Variants in WHRN observed in about 807,000 individuals in gnomAD.
The protein encoded by WHRN is CASK-interacting protein CIP98.
In WHRN, 41 loss-of-function variants were observed where a neutral mutation model predicts 68.3. The observed-to-expected ratio is 0.60, with a 90% CI of 0.47 to 0.78. WHRN has a LOEUF of 0.78. Among genes scored for constraint, WHRN ranks in the 30% least tolerant of loss-of-function variants. The probability of loss-of-function intolerance (pLI) is 0.00; values close to 1 mark genes in which losing one functional copy is unlikely to be tolerated. For missense variants in WHRN, 1,243 were observed against 1,244.7 expected, an observed-to-expected ratio of 1.00 and a Z score of 0.02; for synonymous variants, 560 against 561.3, an observed-to-expected ratio of 1.00 and a Z score of 0.03.
intron 3 of WHRN, among the ~76,000 whole-genome samples, chr9:114,465,630 C>T (rs900898618): frequency 4.6e-5 from 7 of 152,198 alleles, no homozygotes; most frequent in Non-Finnish European, 8.8e-5. Flanking sequence ...AGCAAGTTCC[C>T]GGGCTACCCT....
At chr9:114,430,367 TA>T (rs1166044843) in intron 3 of WHRN, among the ~76,000 whole-genome samples, 3 of 152,228 alleles carry the variant, frequency 2.0e-5, no homozygotes, top group African/African-American at 2.4e-5. Flanking sequence ...ATATACATAC[TA>T]AAAAACATAT....
intron 3 of WHRN, among the ~76,000 whole-genome samples, chr9:114,459,273 C>T (rs912254070): frequency 2.0e-5 from 3 of 149,106 alleles, no homozygotes; most frequent in African/African-American, 5.0e-5. Flanking sequence ...GCCTGGCCAA[C>T]ATGGTTAAAT....
intron 3 of WHRN, among the ~76,000 whole-genome samples, chr9:114,453,300 G>A (rs1429577701): frequency 6.6e-6 from 1 of 152,058 alleles, no homozygotes; most frequent in Non-Finnish European, 1.5e-5. Context: ...AATAGAGCAA[G>A]AACTCACTCA....
intron 3 of WHRN, among the ~76,000 whole-genome samples, chr9:114,465,329 TGCTTCATTCCCCTGG>T (rs1443391595): frequency 3.9e-5 from 6 of 152,198 alleles, no homozygotes; most frequent in African/African-American, 1.4e-4. Flanking sequence ...CCTCATCATG[TGCTTCATTCCCCTGG>T]CTTTGCACAC....
chr9:114,407,888 G>A, intron 8 of WHRN, 59 bp downstream of exon 8: 1 of 1,434,604 alleles, frequency 7.0e-7, no homozygotes, highest in Non-Finnish European at 9.6e-7. Flanking sequence ...AGAGGAGAGA[G>A]CCACCAGGAC....
At chr9:114,464,240 C>T (rs1840477535) in intron 3 of WHRN, among the ~76,000 whole-genome samples, 1 of 152,164 alleles carries the variant, frequency 6.6e-6, no homozygotes, top group Non-Finnish European at 1.5e-5. Context: ...ACACACGATC[C>T]ATGTAAATTA....
intron 2 of WHRN, 104 bp downstream of exon 2, chr9:114,478,449 C>A (rs1841833872): frequency 7.8e-7 from 1 of 1,278,908 alleles, no homozygotes. Flanking sequence ...AGAGCCTGGA[C>A]AGAACCAGCC....
intron 2 of WHRN, among the ~76,000 whole-genome samples, chr9:114,477,558 C>T (rs1196338935): frequency 6.6e-6 from 1 of 152,100 alleles, no homozygotes; most frequent in African/African-American, 2.4e-5. Context: ...GGGCAACCAC[C>T]CCTCTCCCAC....
intron 2 of WHRN, among the ~76,000 whole-genome samples, chr9:114,473,616 T>G (rs1265268661): frequency 6.6e-6 from 1 of 152,208 alleles, no homozygotes; most frequent in Non-Finnish European, 1.5e-5. Context: ...ATCTGAAAAC[T>G]GCAGTGAAGA....
intron 3 of WHRN, among the ~76,000 whole-genome samples, chr9:114,452,438 A>G (rs898262405): frequency 6.6e-6 from 1 of 152,254 alleles, no homozygotes; most frequent in Admixed American, 6.5e-5. Context: ...CCTGGCACAC[A>G]GTAAGTATCC....
At position 114,467,889 on chromosome 9, in the gene WHRN, C is replaced by T. The variant is rs573847239; in HGVS notation, c.838-1497G>A. 8.5e-5 allele frequency among the ~76,000 whole-genome samples: 13 copies of T among 152,280 alleles called. No individual in the cohort carries two copies. The South Asian group carries it at 1.0e-3, about 12-fold the overall frequency. On this transcript the variant is annotated intron_variant, in intron 2 of 11. Coordinates refer to ENST00000362057, the MANE Select transcript of WHRN (RefSeq NM_015404.4). ...GTGTGACTGCCCACGGGACAGGGAG[C>T]GGTGGGAGAACCTTCAGGCACCAGG... is the stretch of plus-strand genomic sequence containing the variant.
At chr9:114,413,482 G>A (rs1459623627) in intron 7 of WHRN, among the ~76,000 whole-genome samples, 1 of 152,184 alleles carries the variant, frequency 6.6e-6, no homozygotes, top group African/African-American at 2.4e-5. Context: ...TGAAGGGTCA[G>A]GGGCCAGGGA....
chr9:114,451,368 T>C (rs886814310), intron 3 of WHRN, among the ~76,000 whole-genome samples: 17 of 152,280 alleles, frequency 1.1e-4, no homozygotes, highest in African/African-American at 3.9e-4. Flanking sequence ...TCGGGTTCTT[T>C]ATCAGTGAAA....
rs529255145 is a variant in WHRN, at chr9:114,498,072, A to G, written c.618+6112T>C. 1.1e-3 allele frequency among the ~76,000 whole-genome samples: 174 copies of G among 152,322 alleles called. 1 individual carries two copies. The highest frequency in any genetic ancestry group is 4.0e-3 in the African/African-American group (166 of 41,574). ...CAGACTTCCATCAGATCTCACTCTC[A>G]GGAGCTGGGGAATTCTGAATTCACT... On this transcript the variant is annotated intron_variant, in intron 1 of 11. Coordinates refer to ENST00000362057, the MANE Select transcript of WHRN (RefSeq NM_015404.4).
intron 10 of WHRN, 127 bp downstream of exon 10, chr9:114,403,769 T>G: frequency 8.4e-7 from 1 of 1,188,800 alleles, no homozygotes. Flanking sequence ...ATCCCTCCAG[T>G]TATAGGGAGC....
At chr9:114,423,591 ACC>A in intron 6 of WHRN, 68 bp from the exon 7 acceptor site, 1 of 1,465,578 alleles carries the variant, frequency 6.8e-7, no homozygotes, top group South Asian at 1.3e-5. Flanking sequence ...GGGCCCTGCT[ACC>A]CCCAAAGGAC....
chr9:114,459,092 T>C (rs1309246616), intron 3 of WHRN, among the ~76,000 whole-genome samples: 1 of 152,166 alleles, frequency 6.6e-6, no homozygotes, highest in Non-Finnish European at 1.5e-5. Context: ...AGAACATTCA[T>C]TCTTTACCTC....
chr9:114,461,990 G>T (rs900284580), intron 3 of WHRN, among the ~76,000 whole-genome samples: 3 of 152,214 alleles, frequency 2.0e-5, no homozygotes, highest in South Asian at 2.1e-4. Context: ...AGACTAAATG[G>T]AAAGAGGAAA....
chr9:114,479,443 C>G (rs1452605655), intron 1 of WHRN, among the ~76,000 whole-genome samples: 1 of 152,194 alleles, frequency 6.6e-6, no homozygotes, highest in Admixed American at 6.5e-5. Context: ...GCTCTGTATC[C>G]TTTGGATGTA....
Sources: gnomAD v4.1 joint callset for allele counts (sites outside exome capture counted in the v4.1 genomes callset) on GRCh38, gnomAD v4.1.1 for gene constraint, MANE v1.5 for transcripts, NCBI Gene and HGNC (gene_info 2026-07-23, HGNC 2026-07-21) for gene names.